Variants in PTK2 observed in about 807,000 individuals in gnomAD.
PTK2 encodes the protein focal adhesion kinase 1.
Under a neutral mutation model 150.1 loss-of-function variants are expected in PTK2, and 45 were observed. The observed-to-expected ratio is 0.30, with a 90% CI of 0.24 to 0.38. PTK2 has a LOEUF of 0.38. PTK2 is among the 10% of genes least tolerant of loss of function. PTK2 has a pLI of 1.00. For missense variants in PTK2, 919 were observed against 1,307.3 expected (o/e 0.70, Z 4.58); for synonymous variants, 432 against 449.2 (o/e 0.96, Z 0.48).
chr8:140,875,638 C>G (rs962375897), intron 4 of PTK2, among the ~76,000 whole-genome samples: 2 of 152,194 alleles, frequency 1.3e-5, no homozygotes, highest in Non-Finnish European at 1.5e-5. Context: ...CAAATCCCAT[C>G]AGCTCCCTCC....
chr8:140,909,565 A>G (rs189284801), intron 2 of PTK2: 2 of 152,364 alleles, frequency 1.3e-5, no homozygotes, highest in East Asian at 3.9e-4. Flanking sequence ...TTTAATAACA[A>G]GGACTGTGCT....
intron 1 of PTK2, among the ~76,000 whole-genome samples, chr8:140,941,206 T>C (rs2100175619): frequency 6.6e-6 from 1 of 152,122 alleles, no homozygotes; most frequent in South Asian, 2.1e-4. Flanking sequence ...AATGAAGACA[T>C]TCCCAGAGAA....
chr8:140,740,922 C>T (rs182350812), intron 20 of PTK2, among the ~76,000 whole-genome samples: 95 of 151,984 alleles, frequency 6.3e-4, no homozygotes, highest in African/African-American at 1.5e-3. Context: ...GTGGGAAGAT[C>T]GCTTGAGCCC....
intron 20 of PTK2, among the ~76,000 whole-genome samples, chr8:140,740,622 C>T (rs971164020): frequency 1.3e-5 from 2 of 152,178 alleles, no homozygotes; most frequent in Admixed American, 6.5e-5. Flanking sequence ...TGTCAACTGC[C>T]TGTTTAAAAT....
At chr8:140,927,228 A>G (rs1440573041) in intron 1 of PTK2, 1 of 152,260 alleles carries the variant, frequency 6.6e-6, no homozygotes, top group Non-Finnish European at 1.5e-5. Flanking sequence ...AACATTGCCC[A>G]AAACAAACAT....
In PTK2 at chr8:140,730,356, T is replaced by A. The variant is rs561708551; in HGVS notation, c.2030+4895A>T. On this transcript the variant is annotated intron_variant, in intron 22 of 31. Transcript: ENST00000522684. ...ACTATATAACAATGAGAATTGAGTA[T>A]AACTACACGAATAACATGGATTAAT... is the stretch of plus-strand genomic sequence containing the variant. Among the ~76,000 whole-genome samples, 8 of 152,332 alleles carry A rather than the reference T, an allele frequency of 5.3e-5. No individual in the cohort carries two copies. In the Middle Eastern group the frequency reaches 0.014, roughly 259 times the overall value.
intron 5 of PTK2, among the ~76,000 whole-genome samples, chr8:140,860,029 T>A (rs1022184930): frequency 8.5e-5 from 13 of 152,222 alleles, no homozygotes; most frequent in Non-Finnish European, 1.8e-4. Context: ...GGCTAAAATT[T>A]AAAAATATGC....
At position 140,766,423 on chromosome 8, in the gene PTK2, C is replaced by G. The variant is rs140404453; in HGVS notation, c.1178-2133G>C. ...AGCCACCTATTCAGAGACCTCTCCT[C>G]AGACTAATTTGCCCCCATCCCACTG... On this transcript the variant is annotated intron_variant, in intron 14 of 31. Transcript: ENST00000522684. Among the ~76,000 whole-genome samples, 618 of 152,322 alleles carry G rather than the reference C, an allele frequency of 4.1e-3. 4 individuals carry two copies. Among genetic ancestry groups the G allele is most frequent in the African/African-American group, 0.014 (600 of 41,574 alleles).
rs1291972672 is a variant in PTK2 at position 140,766,667 on chromosome 8, C to T, written c.1178-2377G>A. On this transcript the variant is annotated intron_variant, in intron 14 of 31. Transcript: ENST00000522684. ...ACATGCTAAACCAAAAGAATGAATGCACTGCAACAATCAGTAAAGGAACGC... is the reference window on the plus strand; with the variant it reads ...ACATGCTAAACCAAAAGAATGAATGTACTGCAACAATCAGTAAAGGAACGC... Among the ~76,000 whole-genome samples, 8 of 152,272 alleles carry T rather than the reference C, an allele frequency of 5.3e-5. No homozygotes were observed. In the South Asian group the frequency reaches 1.7e-3, roughly 32 times the overall value.
At chr8:140,915,351 CT>C (rs1374678469) in intron 2 of PTK2, among the ~76,000 whole-genome samples, 1 of 151,936 alleles carries the variant, frequency 6.6e-6, no homozygotes, top group African/African-American at 2.4e-5. Context: ...TTGCTTGAGC[CT>C]AGGAGTTTGA....
intron 1 of PTK2, among the ~76,000 whole-genome samples, chr8:140,955,918 G>A (rs1274449023): frequency 2.0e-5 from 3 of 152,326 alleles, no homozygotes; most frequent in Admixed American, 6.5e-5. Flanking sequence ...CCATGCCTTC[G>A]TGGGACTCCC....
chr8:140,873,228 T>C (rs2100143556), intron 4 of PTK2, among the ~76,000 whole-genome samples: 1 of 152,142 alleles, frequency 6.6e-6, no homozygotes, highest in African/African-American at 2.4e-5. Flanking sequence ...ATTAAAACAT[T>C]CTCCCTAGCA....
intron 23 of PTK2, among the ~76,000 whole-genome samples, chr8:140,713,977 C>T (rs1361258737): frequency 6.6e-6 from 1 of 152,088 alleles, no homozygotes; most frequent in East Asian, 1.9e-4. Flanking sequence ...CAGCCTAGAC[C>T]TCCTGGGCTC....
chr8:140,680,297 G>A (rs1393684354), intron 27 of PTK2, among the ~76,000 whole-genome samples: 1 of 152,034 alleles, frequency 6.6e-6, no homozygotes, highest in Non-Finnish European at 1.5e-5. Flanking sequence ...GCACAATCTC[G>A]GCTTACTGCA....
chr8:140,894,337 TTC>T (rs1245586140), intron 2 of PTK2, among the ~76,000 whole-genome samples: 2 of 152,222 alleles, frequency 1.3e-5, no homozygotes, highest in African/African-American at 4.8e-5. Context: ...AGAAATAAGT[TTC>T]TGTTGTTTAT....
Position 140,663,407 on chromosome 8 carries a change from A to G in PTK2, c.2946+1510T>C, listed in dbSNP as rs574167812. 2.0e-5 allele frequency among the ~76,000 whole-genome samples: 3 copies of G among 152,374 alleles called. No homozygotes were observed. The South Asian group carries it at 6.2e-4, about 32-fold the overall frequency. On this transcript the variant is annotated intron_variant, in intron 31 of 31. Transcript: ENST00000522684. The stretch of plus-strand genomic sequence containing the variant: ...TGTGTGCTGGGATGAAGAACTGCCC[A>G]TGCTTCCCTAGAAATGAGAAAAGCA...
intron 10 of PTK2, among the ~76,000 whole-genome samples, chr8:140,804,095 G>A (rs1342444162): frequency 2.0e-5 from 3 of 152,270 alleles, no homozygotes; most frequent in South Asian, 2.1e-4. Context: ...AGTAAGTTCT[G>A]AAACTAACTG....
intron 14 of PTK2, among the ~76,000 whole-genome samples, chr8:140,785,620 C>T (rs1401826525): frequency 1.3e-5 from 2 of 152,144 alleles, no homozygotes; most frequent in Non-Finnish European, 2.9e-5. Flanking sequence ...TGAAGACTCT[C>T]CATCTTCATT....
rs545188518 is a variant in PTK2 at position 140,991,229 on chromosome 8, T to TA, written c.-122+9895dup. On this transcript the variant is annotated intron_variant, in intron 1 of 31. Transcript: ENST00000522684. ...ATCAATTCACACAATACAGCTTCAT[T>TA]AGTTACCCCAAGACTTGGCAATCAC... Among the ~76,000 whole-genome samples, 194 of 152,286 alleles carry TA rather than the reference T, an allele frequency of 1.3e-3. 1 individual carries two copies. The highest frequency in any genetic ancestry group is 6.8e-3 in the Middle Eastern group (2 of 294).
Sources: allele counts gnomAD v4.1 joint callset (sites outside exome capture counted in the v4.1 genomes callset), GRCh38; gene constraint gnomAD v4.1.1; transcripts MANE v1.5; gene names NCBI Gene and HGNC (gene_info 2026-07-23, HGNC 2026-07-21).